GPC5: variants seen among roughly 807,000 people sequenced by gnomAD.
The protein encoded by GPC5 is glypican 5.
A neutral mutation model predicts 53.9 loss-of-function variants in GPC5; 47 were observed. The ratio of observed to expected loss-of-function variants is 0.87; its 90% CI spans 0.69 to 1.11. The LOEUF is 1.11. Ranked by LOEUF, GPC5 falls within the 50% of genes most tolerant of loss-of-function variation. The pLI is 0.00. For missense variants in GPC5, 748 were observed against 713.1 expected (o/e 1.05, Z -0.56); for synonymous variants, 286 against 263.3 (o/e 1.09, Z -0.84).
chr13:92,676,568 T>A (rs1055312367), intron 7 of GPC5, among the ~76,000 whole-genome samples: 10 of 152,124 alleles, frequency 6.6e-5, no homozygotes, highest in African/African-American at 2.4e-4. Context: ...CAGGCAAACC[T>A]CAGGTTCAGT....
chr13:92,035,766 A>C (rs1002099683), intron 6 of GPC5, among the ~76,000 whole-genome samples: 20 of 149,780 alleles, frequency 1.3e-4, no homozygotes, highest in Non-Finnish European at 2.4e-4. Flanking sequence ...AAAAAAAAAA[A>C]ACAAAAAAAA....
At chr13:92,854,133 T>G (rs2138847871) in intron 7 of GPC5, among the ~76,000 whole-genome samples, 1 of 151,226 alleles carries the variant, frequency 6.6e-6, no homozygotes, top group Non-Finnish European at 1.5e-5. Flanking sequence ...CTTTTCTAAA[T>G]ATCTTATGTG....
intron 6 of GPC5, among the ~76,000 whole-genome samples, chr13:91,975,562 C>T (rs1048222750): frequency 8.5e-5 from 13 of 152,140 alleles, no homozygotes; most frequent in African/African-American, 3.1e-4. Context: ...AAATCAAAAC[C>T]ACAATAAGAT....
At chr13:91,440,510 C>T (rs189347231) in intron 1 of GPC5, among the ~76,000 whole-genome samples, 29 of 152,082 alleles carry the variant, frequency 1.9e-4, no homozygotes, top group Non-Finnish European at 3.8e-4. Context: ...AGTTTATGTT[C>T]TTTTACCTCA....
intron 7 of GPC5, among the ~76,000 whole-genome samples, chr13:92,251,022 C>T (rs2042688879): frequency 6.6e-6 from 1 of 152,100 alleles, no homozygotes; most frequent in African/African-American, 2.4e-5. Context: ...GTTAAGGATT[C>T]TACATAGTCC....
At chr13:92,706,281 A>T (rs1038344471) in intron 7 of GPC5, among the ~76,000 whole-genome samples, 1 of 152,136 alleles carries the variant, frequency 6.6e-6, no homozygotes, top group African/African-American at 2.4e-5. Context: ...ATTAAAAGTT[A>T]TAATTCAAAT....
intron 6 of GPC5, among the ~76,000 whole-genome samples, chr13:92,122,422 G>A (rs1349472203): frequency 1.3e-5 from 2 of 151,992 alleles, no homozygotes; most frequent in East Asian, 1.9e-4. Context: ...GTGTGAACAC[G>A]TAGCTCCGAT....
chr13:92,004,741 CA>C (rs1184985198), intron 6 of GPC5, among the ~76,000 whole-genome samples: 2 of 151,574 alleles, frequency 1.3e-5, no homozygotes, highest in African/African-American at 4.9e-5. Flanking sequence ...AGGTGAAAAG[CA>C]CATCTTACGT....
chr13:92,475,117 A>T (rs567519918), intron 7 of GPC5, among the ~76,000 whole-genome samples: 3 of 152,246 alleles, frequency 2.0e-5, no homozygotes, highest in African/African-American at 7.2e-5. Flanking sequence ...GAAAATAAAC[A>T]GTTGAAGTCA....
intron 2 of GPC5, among the ~76,000 whole-genome samples, chr13:91,553,709 A>G (rs1472853742): frequency 6.6e-6 from 1 of 152,084 alleles, no homozygotes; most frequent in African/African-American, 2.4e-5. Context: ...TCATTAAGCA[A>G]AGTTATGTAT....
At chr13:92,296,160 G>A (rs1002674687) in intron 7 of GPC5, among the ~76,000 whole-genome samples, 1 of 152,174 alleles carries the variant, frequency 6.6e-6, no homozygotes, top group Non-Finnish European at 1.5e-5. Flanking sequence ...ACCTGTTCTG[G>A]TGGCAGAGGT....
chr13:91,967,257 A>G (rs2040189997), intron 6 of GPC5, among the ~76,000 whole-genome samples: 1 of 152,146 alleles, frequency 6.6e-6, no homozygotes, highest in Non-Finnish European at 1.5e-5. Context: ...CCATGATTCA[A>G]TTATCTCCCA....
chr13:92,038,359 GATA>G (rs2040911405), intron 6 of GPC5, among the ~76,000 whole-genome samples: 1 of 37,234 alleles, frequency 2.7e-5, no homozygotes, highest in African/African-American at 5.5e-5. Context: ...TAGATAGATA[GATA>G]GATAGATAGA....
intron 6 of GPC5, among the ~76,000 whole-genome samples, chr13:92,099,646 C>A (rs2041450203): frequency 6.6e-6 from 1 of 152,114 alleles, no homozygotes; most frequent in South Asian, 2.1e-4. Flanking sequence ...GTGCCTGATG[C>A]ATAGATGAAT....
At chr13:92,447,628 G>A (rs773852884) in intron 7 of GPC5, 14 of 152,038 alleles carry the variant, frequency 9.2e-5, no homozygotes, top group African/African-American at 1.4e-4. Context: ...GAAATCATAT[G>A]CTTTTGAAAG....
intron 6 of GPC5, among the ~76,000 whole-genome samples, chr13:91,948,528 A>T (rs562940577): frequency 6.6e-6 from 1 of 152,246 alleles, no homozygotes; most frequent in African/African-American, 2.4e-5. Context: ...TGTTTTAGTC[A>T]TGTTGAGCTT....
chr13:92,298,692 C>T (rs1386067595), intron 7 of GPC5, among the ~76,000 whole-genome samples: 1 of 152,106 alleles, frequency 6.6e-6, no homozygotes, highest in Non-Finnish European at 1.5e-5. Flanking sequence ...CTGGGTCCTG[C>T]AGGAGCAATC....
chr13:91,544,169 T>C (rs2030137700), intron 2 of GPC5, among the ~76,000 whole-genome samples: 1 of 152,068 alleles, frequency 6.6e-6, no homozygotes, highest in African/African-American at 2.4e-5. Context: ...GGCTTGAATG[T>C]ATTTTGACTA....
intron 3 of GPC5, among the ~76,000 whole-genome samples, chr13:91,713,027 C>G (rs2036261469): frequency 6.6e-6 from 1 of 152,040 alleles, no homozygotes; most frequent in African/African-American, 2.4e-5. Flanking sequence ...CCAGGCTGTA[C>G]TAAAAATGCA....
Sources: gnomAD v4.1 joint callset for allele counts (sites outside exome capture counted in the v4.1 genomes callset) on GRCh38, gnomAD v4.1.1 for gene constraint, MANE v1.5 for transcripts, NCBI Gene and HGNC (gene_info 2026-07-23, HGNC 2026-07-21) for gene names.